The following MYH14 variants were observed in gnomAD, a reference collection of about 807,000 sequenced individuals.
MYH14 encodes the protein myosin-14.
A neutral mutation model predicts 255.5 loss-of-function variants in MYH14; 123 were observed. The ratio of observed to expected loss-of-function variants is 0.48; its 90% confidence interval spans 0.42 to 0.56. MYH14 has a LOEUF of 0.56. Ranked by LOEUF, MYH14 falls within the 20% of genes least tolerant of loss-of-function variation. The pLI, the probability that MYH14 is intolerant of heterozygous loss-of-function variation, is 0.00. For missense variants in MYH14, 2,423 were observed against 2,802.3 expected (o/e 0.86, Z 3.06); for synonymous variants, 1,095 against 1,161.2 (o/e 0.94, Z 1.16).
At chr19:50,309,609 A>T in intron 42 of MYH14, 31 bp from the exon 43 acceptor site, 2 of 1,417,062 alleles carry the variant, frequency 1.4e-6, no homozygotes, top group Non-Finnish European at 1.9e-6. Context: ...CCCTCATTTC[A>T]TCTCTGTATC....
In MYH14 at chr19:50,293,378, G is replaced by T; in HGVS notation, c.5345+57G>T. 6.5e-7 allele frequency: 1 copy of T among 1,538,238 alleles called. No homozygotes were observed. The highest frequency in any genetic ancestry group is 1.2e-5 in the South Asian group (1 of 84,786). ...ACTGCGTCTGCAGGAGGTGAAGCTG[G>T]GGTAGGCTGGAGGTGGCTGGGCTCT... On this transcript the variant is annotated intron_variant, in intron 38 of 42. Transcript: ENST00000642316. This position sits in a 1 kb window ranked among gnomAD's most constrained non-coding sequence, Gnocchi z 4.1.
chr19:50,260,489 G>A (rs2034782601), intron 19 of MYH14, among the ~76,000 whole-genome samples, 157 bp from the exon 20 acceptor site: 1 of 152,128 alleles, frequency 6.6e-6, no homozygotes, highest in Non-Finnish European at 1.5e-5. Flanking sequence ...CCTTGGTGGT[G>A]GCGTGAATGC....
intron 24 of MYH14, among the ~76,000 whole-genome samples, chr19:50,268,717 C>T (rs1247496878): frequency 6.6e-6 from 1 of 151,922 alleles, no homozygotes; most frequent in South Asian, 2.1e-4. Flanking sequence ...GTGATGTCCT[C>T]AGCTTCAGGC....
In MYH14 at chr19:50,252,518, C is replaced by A; in HGVS notation, c.1831-121C>A. The A allele has an allele frequency of 1.4e-6, 1 of 721,220 alleles. No homozygotes were observed. Among genetic ancestry groups the A allele is most frequent in the Non-Finnish European group, 2.5e-6 (1 of 402,858 alleles). 44.7% of individuals were successfully genotyped at this position (721,220 alleles called of 1,614,324 possible). Reference sequence around the variant, plus strand: ...ATATGGACACAAGGTGGCACCAGTGCTCGCTTGTCCATGGTGAGCTCCAGA... The same window carrying A: ...ATATGGACACAAGGTGGCACCAGTGATCGCTTGTCCATGGTGAGCTCCAGA... On this transcript the variant is annotated intron_variant, in intron 15 of 42. Transcript: ENST00000642316. This position sits in a 1 kb window ranked among gnomAD's most constrained non-coding sequence, Gnocchi z 4.2.
intron 1 of MYH14, among the ~76,000 whole-genome samples, chr19:50,210,137 C>T (rs2032089948): frequency 6.8e-6 from 1 of 147,450 alleles, no homozygotes; most frequent in South Asian, 2.1e-4. Context: ...AAGAACTGAC[C>T]CTCTGAGCCT....
Position 50,210,483 on chromosome 19 carries a change from C to A in MYH14, c.118C>A (p.Pro40Thr). The A allele has an allele frequency of 1.3e-6, 2 of 1,552,538 alleles. No homozygotes were observed. Among genetic ancestry groups the A allele is most frequent in the Non-Finnish European group, 1.7e-6 (2 of 1,149,802 alleles). Residue 40 changes from proline (P) to threonine (T), a missense_variant, in exon 2 of 43, where the codon CCT (proline) becomes ACT (threonine). Transcript: ENST00000642316. Reference sequence around the variant, plus strand: ...CCGCGGGCCCAGCGCGGGTGGCGGGCCTGGCTCGGGCACCTCCCCGCAGGT... The same window carrying A: ...CCGCGGGCCCAGCGCGGGTGGCGGGACTGGCTCGGGCACCTCCCCGCAGGT... ...TPRGPSAGGG[P>T]GSGTSPQVEW... is the part of the protein sequence containing the mutation.
intron 33 of MYH14, among the ~76,000 whole-genome samples, chr19:50,283,483 A>G (rs1232118725): frequency 1.3e-5 from 2 of 152,242 alleles, no homozygotes; most frequent in Non-Finnish European, 2.9e-5. Flanking sequence ...CCATGTATCA[A>G]TAATGTATTT....
chr19:50,289,035 G>C (rs1034515598), intron 34 of MYH14, among the ~76,000 whole-genome samples: 3 of 145,416 alleles, frequency 2.1e-5, no homozygotes, highest in African/African-American at 8.5e-5. Flanking sequence ...CAGCACTGAT[G>C]ACCCTGGAGC....
Position 50,254,126 on chromosome 19 carries a change from G to A in MYH14, c.1946-1094G>A, listed in dbSNP as rs543619709. 1.4e-4 allele frequency among the ~76,000 whole-genome samples: 21 copies of A among 151,976 alleles called. No homozygotes were observed. The East Asian group carries it at 4.1e-3, about 30-fold the overall frequency. On this transcript the variant is annotated intron_variant, in intron 16 of 42. Coordinates refer to ENST00000642316, the MANE Select transcript of MYH14 (RefSeq NM_001145809.2). Reference sequence around the variant, plus strand: ...CAGCTACTCGGGGGGCTGAGGCAGGGGAATCGCTTGAACCCGGGAGGTGGA... The same window carrying A: ...CAGCTACTCGGGGGGCTGAGGCAGGAGAATCGCTTGAACCCGGGAGGTGGA...
intron 41 of MYH14, among the ~76,000 whole-genome samples, chr19:50,307,596 T>C (rs2036696533): frequency 6.6e-6 from 1 of 152,190 alleles, no homozygotes; most frequent in South Asian, 2.1e-4. Flanking sequence ...CAAAATTATT[T>C]AGCTGGTAAG....
rs397516630 is a variant in MYH14 at position 50,293,247 on chromosome 19, G to A, written c.5271G>A (p.Ser1757=). The change falls in exon 38 of 43, where the codon TCG becomes TCA. Residue 1757 remains serine (S), a synonymous_variant. Coordinates refer to ENST00000642316, the MANE Select transcript of MYH14 (RefSeq NM_001145809.2). This position sits in a 1 kb window ranked among gnomAD's most constrained non-coding sequence, Gnocchi z 4.1. ...VLRLQEELAA[S]DRARRQAQQD... is the part of the protein sequence containing the mutation. ...CATCATCACAGGAACTGGCCGCCTC[G>A]GACCGTGCTCGGCGGCAGGCCCAGC... 6.8e-6 allele frequency: 11 copies of A among 1,606,934 alleles called. No homozygotes were observed. Among genetic ancestry groups the A allele is most frequent in the Middle Eastern group, 1.6e-4 (1 of 6,080 alleles).
chr19:50,305,963 G>A (rs1016417278), intron 40 of MYH14, among the ~76,000 whole-genome samples: 1 of 151,752 alleles, frequency 6.6e-6, no homozygotes, highest in African/African-American at 2.4e-5. Flanking sequence ...TGGGAGCAAA[G>A]AATGACCAGA....
intron 18 of MYH14, among the ~76,000 whole-genome samples, chr19:50,257,843 G>A (rs916307551): frequency 1.3e-5 from 2 of 152,088 alleles, no homozygotes; most frequent in Non-Finnish European, 1.5e-5. Context: ...TATCACACAG[G>A]GCTTGATCTG....
chr19:50,308,749 G>A (rs1260181743), intron 41 of MYH14: 1 of 456,478 alleles, frequency 2.2e-6, no homozygotes, highest in Admixed American at 3.7e-5. Flanking sequence ...GTGAGCAGGA[G>A]GGTCTGGGTC....
At chr19:50,227,163 G>A (rs555549425) in intron 8 of MYH14, among the ~76,000 whole-genome samples, 197 bp downstream of exon 8, 2 of 152,182 alleles carry the variant, frequency 1.3e-5, no homozygotes, top group African/African-American at 4.8e-5. Context: ...TCGCTATGGG[G>A]TGGTGGGTTG....
chr19:50,292,626 A>G (rs1368028060), intron 37 of MYH14, among the ~76,000 whole-genome samples: 1 of 152,054 alleles, frequency 6.6e-6, no homozygotes, highest in Non-Finnish European at 1.5e-5. Flanking sequence ...GGTGTGTCTT[A>G]CCATGTGGCC....
chr19:50,259,018 AC>A, intron 18 of MYH14, 125 bp from the exon 19 acceptor site: 1 of 1,323,354 alleles, frequency 7.6e-7, no homozygotes, highest in Non-Finnish European at 1.0e-6. Context: ...AGGGCCTAGA[AC>A]CGTTCCTAGG....
chr19:50,274,411 C>T (rs1447197359), intron 27 of MYH14, among the ~76,000 whole-genome samples: 1 of 152,190 alleles, frequency 6.6e-6, no homozygotes, highest in Non-Finnish European at 1.5e-5. Flanking sequence ...TCTCCTGCCT[C>T]AGCCTCCCGA....
chr19:50,290,748 A>G, intron 35 of MYH14, 139 bp from the exon 36 acceptor site: 2 of 842,938 alleles, frequency 2.4e-6, no homozygotes, highest in Admixed American at 2.9e-5. Context: ...GAGGAGACCA[A>G]GTAAAGAGAG....
Sources: gnomAD v4.1 joint callset for allele counts (sites outside exome capture counted in the v4.1 genomes callset) on GRCh38, gnomAD v4.1.1 for gene constraint, Gnocchi (gnomAD v3.1) non-coding constraint, MANE v1.5 for transcripts, NCBI Gene and HGNC (gene_info 2026-07-23, HGNC 2026-07-21) for gene names.